DNAJC8: variants seen among roughly 807,000 people sequenced by gnomAD.
The protein encoded by DNAJC8 is DnaJ heat shock protein family (Hsp40) member C8.
In DNAJC8, 24 loss-of-function variants were observed where a neutral mutation model predicts 43.2. The observed-to-expected ratio is 0.56, with a 90% CI of 0.40 to 0.78. The LOEUF is 0.78. DNAJC8 is among the 30% of genes least tolerant of loss of function. DNAJC8 has a pLI of 0.00. For missense variants in DNAJC8, 207 were observed against 299.4 expected, an observed-to-expected ratio of 0.69 and a Z score of 2.28; for synonymous variants, 83 against 98.0, an observed-to-expected ratio of 0.85 and a Z score of 0.90.
At chr1:28,208,497 C>A in intron 5 of DNAJC8, 84 bp from the exon 6 acceptor site, 2 of 849,610 alleles carry the variant, frequency 2.4e-6, no homozygotes, top group Non-Finnish European at 1.7e-6. Flanking sequence ...ATATATTTAA[C>A]TTTCTATAGG....
At chr1:28,216,808 CTTTT>C (rs1178044559) in intron 2 of DNAJC8, among the ~76,000 whole-genome samples, 5 of 131,088 alleles carry the variant, frequency 3.8e-5, no homozygotes, top group African/African-American at 8.4e-5. Flanking sequence ...GGGGCGATTT[CTTTT>C]TTTTTTTTTT....
chr1:28,209,795 G>C (rs1646798297), intron 5 of DNAJC8, among the ~76,000 whole-genome samples, 177 bp downstream of exon 5: 1 of 152,170 alleles, frequency 6.6e-6, no homozygotes, highest in South Asian at 2.1e-4. Context: ...TTCTCTTAGG[G>C]GTGAATTACA....
chr1:28,212,169 ATATATAT>A (rs1646816118), intron 3 of DNAJC8, among the ~76,000 whole-genome samples: 1 of 11,664 alleles, frequency 8.6e-5, no homozygotes, highest in Non-Finnish European at 1.6e-4. Flanking sequence ...AAATAAATAA[ATATATAT>A]ATATATATAT....
rs147160215 is a variant in DNAJC8 at position 28,221,789 on chromosome 1, C to T, written c.181-6793G>A. Among the ~76,000 whole-genome samples, 1,068 of 152,254 alleles carry T rather than the reference C, an allele frequency of 7.0e-3. 7 individuals are homozygous for T. Among genetic ancestry groups the T allele is most frequent in the Non-Finnish European group, 9.6e-3 (652 of 68,030 alleles). ...TCAAAAGTACTCTTCAATATTTATA[C>T]ATCCATGTTTATAGCAACACTTTTC... On this transcript the variant is annotated intron_variant, in intron 2 of 8. Transcript: ENST00000263697.
At chr1:28,222,773 G>T (rs1646907638) in intron 2 of DNAJC8, among the ~76,000 whole-genome samples, 1 of 152,036 alleles carries the variant, frequency 6.6e-6, no homozygotes, top group South Asian at 2.1e-4. Flanking sequence ...AAGCCCAAAT[G>T]GGGTGAGAAG....
chr1:28,228,167 G>A (rs893805811), intron 2 of DNAJC8, among the ~76,000 whole-genome samples: 12 of 151,938 alleles, frequency 7.9e-5, no homozygotes, highest in African/African-American at 2.7e-4. Context: ...TGGCCAACAT[G>A]GTGAAACCCC....
chr1:28,217,426 GC>G (rs1246231254), intron 2 of DNAJC8, among the ~76,000 whole-genome samples: 9 of 152,194 alleles, frequency 5.9e-5, no homozygotes, highest in African/African-American at 1.9e-4. Flanking sequence ...TTTGAGACAG[GC>G]CTGGCCAACA....
intron 2 of DNAJC8, among the ~76,000 whole-genome samples, chr1:28,226,049 A>T (rs779633770): frequency 4.0e-5 from 6 of 151,342 alleles, no homozygotes; most frequent in Non-Finnish European, 5.9e-5. Context: ...CAATAAAAAA[A>T]AGTGAGGGGA....
chr1:28,216,432 G>A lies in DNAJC8; in HGVS notation c.181-1436C>T, dbSNP rs150437641. On this transcript the variant is annotated intron_variant, in intron 2 of 8. Transcript: ENST00000263697. ...AACCAAAGTCCAACAAATCCCAGAG[G>A]ATGCCCAAATAAAAGAAAGAACAGA... 1.6e-3 allele frequency among the ~76,000 whole-genome samples: 244 copies of A among 152,190 alleles called. 2 individuals are homozygous for A. Among genetic ancestry groups the A allele is most frequent in the African/African-American group, 5.3e-3 (221 of 41,534 alleles).
At chr1:28,214,808 C>T (rs1646839908) in intron 3 of DNAJC8, 132 bp downstream of exon 3, 2 of 559,870 alleles carry the variant, frequency 3.6e-6, no homozygotes, top group Non-Finnish European at 6.0e-6. Context: ...CTTTTTTTTA[C>T]AAAACAGTTA....
rs777642919 is a variant in DNAJC8, at chr1:28,201,247, G to A, written c.*1C>T. 2 of 1,612,072 alleles carry A rather than the reference G, an allele frequency of 1.2e-6. No individual in the cohort carries two copies. Among genetic ancestry groups the A allele is most frequent in the Non-Finnish European group, 1.7e-6 (2 of 1,179,890 alleles). ...GGTTCTGTGCCTGTGACCTTGGGCG[G>A]TCACTCACGTTGCTCCATTTTTACT... On this transcript the variant is annotated 3_prime_UTR_variant, in exon 9 of 9. Transcript: ENST00000263697.
chr1:28,207,402 A>G (rs1482810911), intron 6 of DNAJC8, among the ~76,000 whole-genome samples: 1 of 151,822 alleles, frequency 6.6e-6, no homozygotes, highest in Non-Finnish European at 1.5e-5. Context: ...ATAAATGTAT[A>G]TTTATATGTT....
intron 5 of DNAJC8, 28 bp from the exon 6 acceptor site, chr1:28,208,441 A>G: frequency 6.4e-7 from 1 of 1,553,272 alleles, no homozygotes; most frequent in South Asian, 1.1e-5. Context: ...TCATCAAAAG[A>G]CGAGCATCTG....
intron 2 of DNAJC8, among the ~76,000 whole-genome samples, chr1:28,220,535 GA>G (rs1163985052): frequency 1.3e-5 from 2 of 152,238 alleles, no homozygotes; most frequent in Non-Finnish European, 2.9e-5. Context: ...GTAAGGGCAA[GA>G]GGGGGCTAAA....
chr1:28,230,770 T>C (rs2149026018), intron 1 of DNAJC8, among the ~76,000 whole-genome samples: 1 of 152,324 alleles, frequency 6.6e-6, no homozygotes, highest in South Asian at 2.1e-4. Context: ...TGCCTCAGCC[T>C]TCCGGGCAGC....
Position 28,201,174 on chromosome 1 carries a change from G to A in DNAJC8, c.*74C>T, listed in dbSNP as rs770294979. Reference sequence around the variant, plus strand: ...CTACTCTATGTTGGGGTGGAAGTGGGAGGAAAGAATGAGTCCTTCGAAGCA... The same window carrying A: ...CTACTCTATGTTGGGGTGGAAGTGGAAGGAAAGAATGAGTCCTTCGAAGCA... On this transcript the variant is annotated 3_prime_UTR_variant, in exon 9 of 9. Transcript: ENST00000263697. 40 of 1,595,758 alleles carry A rather than the reference G, an allele frequency of 2.5e-5. No homozygotes were observed. In the East Asian group the frequency reaches 7.1e-4, roughly 29 times the overall value.
intron 2 of DNAJC8, among the ~76,000 whole-genome samples, chr1:28,216,356 A>G (rs973029407): frequency 2.0e-5 from 3 of 152,158 alleles, no homozygotes; most frequent in African/African-American, 7.2e-5. Context: ...TACATACAAA[A>G]ATATTCATAG....
In DNAJC8 at chr1:28,232,934, G is replaced by A. The variant is rs760060976; in HGVS notation, c.65C>T (p.Thr22Ile). The change falls in exon 1 of 9, where the codon ACC becomes ATC. Residue 22 changes from threonine (T) to isoleucine (I), a missense_variant. Transcript: ENST00000263697. ...CTCTGTGTTCACCTCACTGTAGAAG[G>A]TCATAAATGCTTCCTCGGTGCTGCC... ...GGGSTEEAFM[T>I]FYSEVKQIEK... is the part of the protein sequence containing the mutation. 1.7e-5 allele frequency: 27 copies of A among 1,613,156 alleles called. No homozygotes were observed. The Admixed American group carries it at 4.3e-4, about 26-fold the overall frequency.
intron 2 of DNAJC8, among the ~76,000 whole-genome samples, chr1:28,224,325 T>C (rs1361403645): frequency 6.6e-6 from 1 of 152,162 alleles, no homozygotes; most frequent in Admixed American, 6.5e-5. Flanking sequence ...TGGAGTGCAA[T>C]GGTGCAATCT....
Sources: gnomAD v4.1 joint callset for allele counts (sites outside exome capture counted in the v4.1 genomes callset) on GRCh38, gnomAD v4.1.1 for gene constraint, MANE v1.5 for transcripts, NCBI Gene and HGNC (gene_info 2026-07-23, HGNC 2026-07-21) for gene names.